Variants in CORO7 observed in about 807,000 individuals in gnomAD.
CORO7 encodes the protein coronin 7, also known as coronin-7.
Under a neutral mutation model 126.6 loss-of-function variants are expected in CORO7, and 107 were observed. The observed-to-expected ratio is 0.85, with a 90% CI of 0.72 to 0.99. The LOEUF (loss-of-function observed/expected upper bound fraction) is 0.99, where lower values mean the gene tolerates loss of function less well. Among genes scored for constraint, CORO7 ranks in the 50% least tolerant of loss-of-function variants. CORO7 has a pLI of 0.00. For synonymous variants in CORO7, 603 were observed against 536.8 expected (o/e 1.12, Z -1.70); for missense variants, 1,314 against 1,255.8 (o/e 1.05, Z -0.70).
At chr16:4,402,223 C>A (rs1485504725) in intron 6 of CORO7, among the ~76,000 whole-genome samples, 3 of 151,042 alleles carry the variant, frequency 2.0e-5, no homozygotes, top group Admixed American at 2.0e-4. Context: ...CAGGCGTGAG[C>A]CACTGCACCC....
chr16:4,355,721 G>A (rs891873296), intron 26 of CORO7: 6 of 238,342 alleles, frequency 2.5e-5, no homozygotes, highest in Admixed American at 2.0e-4. Flanking sequence ...CGCCCGCCTC[G>A]GCCTCCCACG....
intron 23 of CORO7, 84 bp downstream of exon 23, chr16:4,359,212 G>A: frequency 1.4e-6 from 2 of 1,424,510 alleles, no homozygotes; most frequent in Middle Eastern, 2.0e-4. Context: ...CCGACCCACA[G>A]GCTCCTGTAC....
At chr16:4,357,926 C>T (rs2054031067) in intron 25 of CORO7, 42 bp downstream of exon 25, 2 of 1,571,888 alleles carry the variant, frequency 1.3e-6, no homozygotes, top group East Asian at 2.3e-5. Context: ...CTTTCTCCAA[C>T]CCCCATCCCG....
At chr16:4,381,603 G>C (rs1483772559) in intron 9 of CORO7, 2 of 1,599,072 alleles carry the variant, frequency 1.3e-6, no homozygotes, top group Non-Finnish European at 1.7e-6. Context: ...GGGGCCTGAC[G>C]CGCCTGCGGC....
intron 9 of CORO7, among the ~76,000 whole-genome samples, chr16:4,372,780 C>T (rs2054582189): frequency 6.6e-6 from 1 of 152,196 alleles, no homozygotes; most frequent in Non-Finnish European, 1.5e-5. Context: ...ACGATTGCCA[C>T]ACCAGGGTCA....
At chr16:4,369,860 C>T (rs2054466410) in intron 9 of CORO7, among the ~76,000 whole-genome samples, 2 of 152,104 alleles carry the variant, frequency 1.3e-5, no homozygotes, top group South Asian at 4.1e-4. Flanking sequence ...CCCCACAGCC[C>T]CTAGCTCCCC....
intron 9 of CORO7, among the ~76,000 whole-genome samples, chr16:4,367,035 C>T (rs1018933520): frequency 4.6e-5 from 7 of 152,194 alleles, no homozygotes; most frequent in Non-Finnish European, 7.4e-5. Context: ...TCCTGCCAGC[C>T]GACCACTAAG....
chr16:4,385,761 G>C (rs1415071409), intron 9 of CORO7, among the ~76,000 whole-genome samples: 3 of 152,252 alleles, frequency 2.0e-5, no homozygotes, highest in Non-Finnish European at 4.4e-5. Context: ...GAAGGGCATA[G>C]GTGGGACCAC....
At chr16:4,412,120 C>G (rs1255771696) in intron 3 of CORO7, among the ~76,000 whole-genome samples, 8 of 152,098 alleles carry the variant, frequency 5.3e-5, no homozygotes, top group Non-Finnish European at 8.8e-5. Context: ...ACTGCACACC[C>G]CGCTCCATCC....
chr16:4,369,010 G>A (rs1265436215), intron 9 of CORO7, among the ~76,000 whole-genome samples: 2 of 152,222 alleles, frequency 1.3e-5, no homozygotes, highest in African/African-American at 4.8e-5. Context: ...GGCATCAGAG[G>A]CTCACCTGTG....
At position 4,388,575 on chromosome 16, in the gene CORO7, C is replaced by T; in HGVS notation, c.672G>A (p.Trp224Ter). 1.9e-6 allele frequency: 3 copies of T among 1,613,100 alleles called. No individual in the cohort carries two copies. The highest frequency in any genetic ancestry group is 2.5e-6 in the Non-Finnish European group (3 of 1,179,848). The change falls in exon 8 of 28, where the codon TGG becomes TGA. Residue 224 changes from tryptophan to a stop codon, truncating the protein, a stop_gained. Transcript: ENST00000251166. LOFTEE classifies it high-confidence loss of function. ...TGAATCCAGTAGACACAAGGTGCTC[C>T]CAGGTGCCCATCCATGCCAGCCGGC... ...RDSRLAWMGT[W>*]EHLVSTGFNQ... is the part of the protein sequence containing the mutation.
chr16:4,365,948 C>G (rs1338791245), intron 9 of CORO7, among the ~76,000 whole-genome samples: 21 of 152,200 alleles, frequency 1.4e-4, no homozygotes. Flanking sequence ...AGGAGCCTCC[C>G]GTCCCCACTC....
At chr16:4,401,840 A>G (rs1179611992) in intron 6 of CORO7, among the ~76,000 whole-genome samples, 1 of 151,952 alleles carries the variant, frequency 6.6e-6, no homozygotes, top group Non-Finnish European at 1.5e-5. Context: ...GCCCGAGTCC[A>G]GATGCCAACA....
At chr16:4,396,987 G>C (rs1289894087) in intron 6 of CORO7, among the ~76,000 whole-genome samples, 1 of 144,686 alleles carries the variant, frequency 6.9e-6, no homozygotes, top group Non-Finnish European at 1.5e-5. Flanking sequence ...CTGCACTCCA[G>C]CCTGGGCAAC....
Position 4,407,672 on chromosome 16 carries a change from G to T in CORO7, c.316C>A (p.Arg106=). ...GSADRTVKLW[R]LPGPGQALPS... ...AGGGCCTGGCCAGGCCCTGGCAGTC[G>T]CCAGAGTTTTACCTGCAAGAAAGAC... Residue 106 remains arginine (R), a synonymous_variant, in exon 5 of 28, where the codon CGA becomes AGA. Coordinates refer to ENST00000251166, the MANE Select transcript of CORO7 (RefSeq NM_024535.5). 1 of 1,592,304 alleles carries T rather than the reference G, an allele frequency of 6.3e-7. No homozygotes were observed. Among genetic ancestry groups the T allele is most frequent in the Non-Finnish European group, 8.5e-7 (1 of 1,171,386 alleles).
intron 9 of CORO7, chr16:4,382,723 G>A (rs2055041386): frequency 2.6e-6 from 4 of 1,552,272 alleles, no homozygotes; most frequent in Middle Eastern, 1.7e-4. Flanking sequence ...AGGGCAGGTG[G>A]GGCCAGGGGC....
chr16:4,356,795 A>G lies in CORO7; in HGVS notation c.2685+373T>C, dbSNP rs903739146. The G allele has an allele frequency of 6.6e-5, 16 of 242,404 alleles. No homozygotes were observed. The Admixed American group carries it at 8.2e-4, about 12-fold the overall frequency. 15.0% of individuals were successfully genotyped at this position (242,404 alleles called of 1,614,324 possible). ...GATGGGTTTCTATTGAAAAAGACACAAAGAAGAGACAGGGGGAGTAAGAGA... is the reference window on the plus strand; with the variant it reads ...GATGGGTTTCTATTGAAAAAGACACGAAGAAGAGACAGGGGGAGTAAGAGA... On this transcript the variant is annotated intron_variant, in intron 26 of 27. Transcript: ENST00000251166.
intron 9 of CORO7, chr16:4,383,518 G>C (rs1233845479): frequency 6.0e-6 from 1 of 166,980 alleles, no homozygotes; most frequent in African/African-American, 2.4e-5. Context: ...AATAAAAGAT[G>C]AAGTGTGTTT....
intron 16 of CORO7, 152 bp downstream of exon 16, chr16:4,361,833 C>G: frequency 1.6e-6 from 2 of 1,263,550 alleles, no homozygotes; most frequent in Non-Finnish European, 2.2e-6. Flanking sequence ...GTGGCAGGCC[C>G]CATGGCAGGT....
Sources: allele counts gnomAD v4.1 joint callset (sites outside exome capture counted in the v4.1 genomes callset), GRCh38; gene constraint gnomAD v4.1.1; transcripts MANE v1.5; gene names NCBI Gene and HGNC (gene_info 2026-07-23, HGNC 2026-07-21).